Variants in PRKCE observed in about 807,000 individuals in gnomAD.
PRKCE encodes protein kinase C epsilon type.
In PRKCE, 16 loss-of-function variants were observed where a neutral mutation model predicts 85.4. That is an observed-to-expected ratio of 0.19 (90% confidence interval 0.13 to 0.28). The LOEUF (loss-of-function observed/expected upper bound fraction) is 0.28, where lower values mean the gene tolerates loss of function less well. Ranked by LOEUF, PRKCE falls within the 10% of genes least tolerant of loss-of-function variation. The probability of loss-of-function intolerance (pLI) is 1.00; values close to 1 mark genes in which losing one functional copy is unlikely to be tolerated. For missense variants in PRKCE, 573 were observed against 975.2 expected (o/e 0.59, Z 5.49); for synonymous variants, 388 against 371.5 (o/e 1.04, Z -0.51).
intron 1 of PRKCE, among the ~76,000 whole-genome samples, chr2:45,780,119 T>G (rs1405533470): frequency 6.6e-6 from 1 of 152,210 alleles, no homozygotes; most frequent in Non-Finnish European, 1.5e-5. Context: ...TAAAGAAACC[T>G]GTATTCTTTC....
intron 2 of PRKCE, among the ~76,000 whole-genome samples, chr2:45,896,863 T>G (rs757091499): frequency 1.2e-4 from 18 of 152,142 alleles, no homozygotes; most frequent in Non-Finnish European, 2.1e-4. Flanking sequence ...ATGGGAGGAT[T>G]GCTTGAGGCC....
Position 46,138,320 on chromosome 2 carries a change from G to A in PRKCE, c.1593-6773G>A, listed in dbSNP as rs561315420. Among the ~76,000 whole-genome samples the A allele has an allele frequency of 1.2e-4, 18 of 152,270 alleles. No homozygotes were observed. The highest frequency in any genetic ancestry group is 3.9e-4 in the African/African-American group (16 of 41,554). On this transcript the variant is annotated intron_variant, in intron 11 of 14. Transcript: ENST00000306156. The surrounding 1 kb of genome is among the most constrained non-coding windows in gnomAD (Gnocchi z 4.2). Reference sequence around the variant, plus strand: ...TCAAATAGAGATTTCCAACTCATACGTCTGTCATTTTATCTAATAGGTGGT... The same window carrying A: ...TCAAATAGAGATTTCCAACTCATACATCTGTCATTTTATCTAATAGGTGGT...
intron 10 of PRKCE, among the ~76,000 whole-genome samples, chr2:46,057,437 A>AC (rs1666687147): frequency 6.6e-6 from 1 of 150,760 alleles, no homozygotes; most frequent in African/African-American, 2.4e-5. Flanking sequence ...ATTCTCTTCA[A>AC]CTTTTTTTTT....
At chr2:45,820,580 G>A (rs1006752131) in intron 1 of PRKCE, among the ~76,000 whole-genome samples, 1 of 152,146 alleles carries the variant, frequency 6.6e-6, no homozygotes, top group East Asian at 1.9e-4. Flanking sequence ...GAAATGACTC[G>A]TGACAGCAGG....
Position 45,672,769 on chromosome 2 carries a change from T to G in PRKCE, c.348+20321T>G, listed in dbSNP as rs190328785. ...GACTGAACACAGTGCCTCACGCCTG[T>G]AATCCCAGCACTGTGAGAGGCTGAG... is the stretch of plus-strand genomic sequence containing the variant. On this transcript the variant is annotated intron_variant, in intron 1 of 14. Transcript: ENST00000306156. 2.6e-4 allele frequency among the ~76,000 whole-genome samples: 39 copies of G among 152,252 alleles called. No individual in the cohort carries two copies. In the East Asian group the frequency reaches 7.3e-3, roughly 29 times the overall value.
rs567522818 is a variant in PRKCE, at chr2:45,937,438, C to T, written c.413-38991C>T. On this transcript the variant is annotated intron_variant, in intron 2 of 14. Transcript: ENST00000306156. The stretch of plus-strand genomic sequence containing the variant: ...AAGAAAACTCATAGGTATGGCCACA[C>T]GTGGTGGCTCACGCCTGTAATCCCA... Among the ~76,000 whole-genome samples, 17 of 152,318 alleles carry T rather than the reference C, an allele frequency of 1.1e-4. No homozygotes were observed. The South Asian group carries it at 2.7e-3, about 24-fold the overall frequency.
chr2:45,860,587 G>A (rs1389679679), intron 2 of PRKCE, among the ~76,000 whole-genome samples: 1 of 152,208 alleles, frequency 6.6e-6, no homozygotes, highest in Admixed American at 6.5e-5. Context: ...ATAGGAACAA[G>A]AGCTGGTAGT....
At chr2:46,071,954 G>A (rs990704837) in intron 10 of PRKCE, among the ~76,000 whole-genome samples, 10 of 152,148 alleles carry the variant, frequency 6.6e-5, no homozygotes, top group Admixed American at 1.3e-4. Flanking sequence ...TGGAGTCTGC[G>A]CTCGTGTATT....
chr2:46,090,436 A>T (rs1670056189), intron 11 of PRKCE, among the ~76,000 whole-genome samples: 1 of 151,976 alleles, frequency 6.6e-6, no homozygotes, highest in African/African-American at 2.4e-5. Context: ...GTTTTTACTT[A>T]TGATACCTCT....
intron 1 of PRKCE, among the ~76,000 whole-genome samples, chr2:45,744,465 CTTTCTTTCTTTCTTTCTTTCTTTT>C (rs1558623478): frequency 1.1e-3 from 60 of 53,982 alleles, no homozygotes; most frequent in Non-Finnish European, 1.3e-3. Context: ...TTCTTTCTTT[CTTTCTTTCTTTCTTTCTTTCTTTT>C]TCTTTCTTTC....
chr2:45,967,327 C>T (rs1349790340), intron 2 of PRKCE, among the ~76,000 whole-genome samples: 1 of 152,130 alleles, frequency 6.6e-6, no homozygotes, highest in African/African-American at 2.4e-5. Context: ...ACATTTTTGG[C>T]AGTATTTTTT....
At chr2:46,033,580 C>G (rs185236778) in intron 10 of PRKCE, among the ~76,000 whole-genome samples, 144 of 152,314 alleles carry the variant, frequency 9.5e-4, no homozygotes, top group African/African-American at 3.4e-3. Flanking sequence ...GAAATACTGC[C>G]TGATAGTGGC....
chr2:45,962,373 G>C (rs1197028528), intron 2 of PRKCE, among the ~76,000 whole-genome samples: 1 of 152,178 alleles, frequency 6.6e-6, no homozygotes, highest in Non-Finnish European at 1.5e-5. Context: ...GAGGAATTTG[G>C]TCGCTACTTT....
intron 6 of PRKCE, among the ~76,000 whole-genome samples, chr2:45,999,020 A>G (rs902854160): frequency 1.3e-5 from 2 of 152,150 alleles, no homozygotes; most frequent in Non-Finnish European, 2.9e-5. Context: ...TTTCACTTAC[A>G]CATAAGCATA....
intron 3 of PRKCE, among the ~76,000 whole-genome samples, chr2:45,976,941 G>T (rs1413506469): frequency 1.3e-5 from 2 of 150,518 alleles, no homozygotes; most frequent in Non-Finnish European, 3.0e-5. Flanking sequence ...CTGTTGCCCA[G>T]GCTGGAGTGC....
intron 2 of PRKCE, among the ~76,000 whole-genome samples, chr2:45,872,048 T>C (rs1174281008): frequency 6.6e-6 from 1 of 152,148 alleles, no homozygotes; most frequent in East Asian, 1.9e-4. Flanking sequence ...TCTGCCCTCA[T>C]GGAACTTACA....
chr2:46,099,535 G>C (rs1671015892), intron 11 of PRKCE, among the ~76,000 whole-genome samples: 1 of 150,614 alleles, frequency 6.6e-6, no homozygotes. Flanking sequence ...TTCATCCTTT[G>C]AGATTCAGCT....
chr2:45,940,635 C>T (rs1179239691), intron 2 of PRKCE, among the ~76,000 whole-genome samples: 3 of 152,034 alleles, frequency 2.0e-5, no homozygotes, highest in South Asian at 2.1e-4. Flanking sequence ...GTTCACACAG[C>T]GCACACTCTT....
chr2:45,680,708 A>G (rs1254452479), intron 1 of PRKCE, among the ~76,000 whole-genome samples: 2 of 152,222 alleles, frequency 1.3e-5, no homozygotes, highest in South Asian at 2.1e-4. Flanking sequence ...TTTTTAACAA[A>G]TGCACCTATT....
Sources: gnomAD v4.1 joint callset for allele counts (sites outside exome capture counted in the v4.1 genomes callset) on GRCh38, gnomAD v4.1.1 for gene constraint, Gnocchi (gnomAD v3.1) non-coding constraint, MANE v1.5 for transcripts, NCBI Gene and HGNC (gene_info 2026-07-23, HGNC 2026-07-21) for gene names.